Variants in RASGRF2 observed in about 807,000 individuals in gnomAD.
RASGRF2 encodes the protein Ras protein specific guanine nucleotide releasing factor 2.
In RASGRF2, 76 loss-of-function variants were observed where a neutral mutation model predicts 151.0. The observed-to-expected ratio is 0.50, with a 90% CI of 0.42 to 0.61. The LOEUF (loss-of-function observed/expected upper bound fraction) is 0.61. RASGRF2 is among the 20% of genes least tolerant of loss of function. The pLI, the probability that RASGRF2 is intolerant of heterozygous loss-of-function variation, is 0.00. For synonymous variants in RASGRF2, 504 were observed against 566.5 expected (o/e 0.89, Z 1.57); for missense variants, 1,148 against 1,564.6 (o/e 0.73, Z 4.49).
chr5:81,011,228 TA>T (rs67641550), intron 1 of RASGRF2, among the ~76,000 whole-genome samples: 33,344 of 150,844 alleles, frequency 0.22, 3,768 homozygotes, highest in African/African-American at 0.26. Flanking sequence ...TCTAGCTTAC[TA>T]TTTTTTTTTA....
chr5:81,047,210 G>A (rs1371115429), intron 2 of RASGRF2, among the ~76,000 whole-genome samples: 1 of 152,154 alleles, frequency 6.6e-6, no homozygotes, highest in Non-Finnish European at 1.5e-5. Context: ...TATGATTATC[G>A]CTGGGAAAGG....
At chr5:81,068,387 G>A (rs1218879600) in intron 3 of RASGRF2, among the ~76,000 whole-genome samples, 1 of 90,656 alleles carries the variant, frequency 1.1e-5, no homozygotes, top group African/African-American at 3.5e-5. Context: ...TCAGGATAAT[G>A]TGCTTTTTTT....
At chr5:80,991,363 T>G (rs1177954802) in intron 1 of RASGRF2, among the ~76,000 whole-genome samples, 1 of 152,100 alleles carries the variant, frequency 6.6e-6, no homozygotes, top group Admixed American at 6.5e-5. Context: ...CGGTGGATGT[T>G]GCAGTGAGCT....
intron 13 of RASGRF2, among the ~76,000 whole-genome samples, chr5:81,110,006 T>C (rs1347143330): frequency 3.3e-5 from 5 of 152,210 alleles, no homozygotes; most frequent in East Asian, 1.9e-4. Context: ...TTGAGCCTGA[T>C]TATCCTCAAT....
At chr5:81,123,101 T>A (rs1753353581) in intron 15 of RASGRF2, among the ~76,000 whole-genome samples, 1 of 152,192 alleles carries the variant, frequency 6.6e-6, no homozygotes. Context: ...AATAATAATT[T>A]AACTTTAGTT....
At chr5:81,010,013 G>A (rs569107272) in intron 1 of RASGRF2, among the ~76,000 whole-genome samples, 10 of 152,052 alleles carry the variant, frequency 6.6e-5, no homozygotes, top group African/African-American at 1.9e-4. Flanking sequence ...AAAATTAGCC[G>A]GGCATGGGGT....
intron 12 of RASGRF2, among the ~76,000 whole-genome samples, chr5:81,101,489 T>TC (rs1179477922): frequency 1.4e-4 from 21 of 151,602 alleles, no homozygotes; most frequent in Non-Finnish European, 2.9e-4. Flanking sequence ...TTTTTTTTTT[T>TC]CACACTCCTG....
intron 1 of RASGRF2, among the ~76,000 whole-genome samples, chr5:81,034,846 T>G: frequency 6.7e-6 from 1 of 148,386 alleles, no homozygotes; most frequent in African/African-American, 2.5e-5. Context: ...TACCTAATGC[T>G]AGATGACAAG....
rs1561597842 is a variant in RASGRF2 at position 81,080,734 on chromosome 5, A to T, written c.1106A>T (p.Asn369Ile). Residue 369 changes from asparagine (N) to isoleucine (I), a missense_variant, in exon 7 of 27, where the codon AAT becomes ATT. By Grantham distance (149) the Asn-to-Ile change is moderately radical. Coordinates refer to ENST00000265080, the MANE Select transcript of RASGRF2 (RefSeq NM_006909.3). ...AAACTCTTAAAACAGTATGAAGCCA[A>T]TCCAGCCTGTGAGGGGAGGATGCTG... ...FDKLLKQYEANPACEGRMLET... is the reference protein window; with the variant it reads ...FDKLLKQYEAIPACEGRMLET... The T allele has an allele frequency of 1.2e-6, 2 of 1,614,216 alleles. No individual in the cohort carries two copies. Among genetic ancestry groups the T allele is most frequent in the East Asian group, 4.5e-5 (2 of 44,888 alleles).
chr5:81,215,824 C>CT, intron 23 of RASGRF2, 52 bp from the exon 24 acceptor site: 1 of 1,457,340 alleles, frequency 6.9e-7, no homozygotes, highest in Non-Finnish European at 9.0e-7. Flanking sequence ...AATTCACTGT[C>CT]TTTTTAAACC....
intron 17 of RASGRF2, among the ~76,000 whole-genome samples, chr5:81,146,986 A>C (rs1754021426): frequency 6.6e-6 from 1 of 152,228 alleles, no homozygotes; most frequent in Non-Finnish European, 1.5e-5. Flanking sequence ...GAGTAAAAGT[A>C]CAAGAGTAGA....
At chr5:81,007,712 C>T (rs1749317330) in intron 1 of RASGRF2, among the ~76,000 whole-genome samples, 1 of 152,278 alleles carries the variant, frequency 6.6e-6, no homozygotes, top group South Asian at 2.1e-4. Context: ...TGCCCCTCCA[C>T]GATAACTGCT....
chr5:81,017,398 C>T (rs1357745516), intron 1 of RASGRF2, among the ~76,000 whole-genome samples: 1 of 152,212 alleles, frequency 6.6e-6, no homozygotes, highest in East Asian at 1.9e-4. Flanking sequence ...GCCTCTGGCT[C>T]CTGCTGAACC....
chr5:81,191,742 G>A (rs1323013312), intron 18 of RASGRF2, among the ~76,000 whole-genome samples: 1 of 146,884 alleles, frequency 6.8e-6, no homozygotes, highest in Non-Finnish European at 1.5e-5. Context: ...GCGTAAAGAT[G>A]TAAGCTTGGA....
rs1414978615 is a variant in RASGRF2, at chr5:81,116,655, C to T, written c.2470+2735C>T. 3.9e-5 allele frequency among the ~76,000 whole-genome samples: 6 copies of T among 152,070 alleles called. No individual in the cohort carries two copies. The South Asian group carries it at 8.3e-4, about 21-fold the overall frequency. ...CTATAACTTTTTCATCGTGCAAAAC[C>T]GAAACTCTATAATCATTGAATAATA... On this transcript the variant is annotated intron_variant, in intron 15 of 26. Coordinates refer to ENST00000265080, the MANE Select transcript of RASGRF2 (RefSeq NM_006909.3).
intron 12 of RASGRF2, among the ~76,000 whole-genome samples, chr5:81,105,541 T>C (rs1332406690): frequency 1.3e-5 from 2 of 152,184 alleles, no homozygotes; most frequent in African/African-American, 2.4e-5. Context: ...CTAAGGCTGT[T>C]GTCTCAGTAA....
intron 12 of RASGRF2, among the ~76,000 whole-genome samples, chr5:81,095,749 C>CT (rs1372462378): frequency 1.3e-5 from 2 of 151,626 alleles, no homozygotes; most frequent in African/African-American, 2.4e-5. Context: ...AGTTTTCATG[C>CT]TTTTTTTTGG....
intron 1 of RASGRF2, among the ~76,000 whole-genome samples, chr5:81,008,139 C>CTTTTCCTTTTT (rs1749333290): frequency 1.2e-5 from 1 of 85,388 alleles, no homozygotes; most frequent in Non-Finnish European, 2.2e-5. Flanking sequence ...TCTTTCTTTC[C>CTTTTCCTTTTT]TTTTTTTTTT....
chr5:81,219,598 A>AG, intron 25 of RASGRF2, 112 bp from the exon 26 acceptor site: 1 of 786,664 alleles, frequency 1.3e-6, no homozygotes, highest in East Asian at 2.9e-5. Context: ...GCCTCACTGG[A>AG]GGAAGGGACT....
Sources: gnomAD v4.1 joint callset for allele counts (sites outside exome capture counted in the v4.1 genomes callset) on GRCh38, gnomAD v4.1.1 for gene constraint, MANE v1.5 for transcripts, NCBI Gene and HGNC (gene_info 2026-07-23, HGNC 2026-07-21) for gene names.